The following SLC26A7 variants were observed in gnomAD, a reference collection of about 807,000 sequenced individuals.
The protein encoded by SLC26A7 is solute carrier family 26 member 7.
In SLC26A7, 59 loss-of-function variants were observed where a neutral mutation model predicts 82.5. The observed-to-expected ratio is 0.72, with a 90% CI of 0.58 to 0.89. The LOEUF is 0.89. Ranked by LOEUF, SLC26A7 falls within the 40% of genes least tolerant of loss-of-function variation. The probability of loss-of-function intolerance (pLI) is 0.00; values close to 1 mark genes in which losing one functional copy is unlikely to be tolerated. For missense variants in SLC26A7, 820 were observed against 793.0 expected, an observed-to-expected ratio of 1.03 and a Z score of -0.41; for synonymous variants, 271 against 274.3, an observed-to-expected ratio of 0.99 and a Z score of 0.12.
chr8:91,355,718 C>CT (rs905219902), intron 11 of SLC26A7, among the ~76,000 whole-genome samples: 10 of 150,904 alleles, frequency 6.6e-5, no homozygotes, highest in East Asian at 2.0e-4. Context: ...TCTTTTGCCT[C>CT]TTTTTTTTAA....
chr8:91,369,873 C>T (rs763205389), intron 15 of SLC26A7, 40 bp downstream of exon 15: 9 of 1,485,466 alleles, frequency 6.1e-6, no homozygotes, highest in South Asian at 4.7e-5. Context: ...TAAGTGTTTA[C>T]CTTGAAGATA....
intron 15 of SLC26A7, among the ~76,000 whole-genome samples, chr8:91,370,190 ATT>A (rs1403748320): frequency 1.2e-5 from 1 of 80,908 alleles, no homozygotes; most frequent in Admixed American, 1.2e-4. Context: ...TTTTTTTTCT[ATT>A]TTCTCCTCCT....
chr8:91,316,451 ATTTTTTTTTTTTTTTTTTTTTTTT>A (rs58981485), intron 4 of SLC26A7, among the ~76,000 whole-genome samples: 10 of 34,424 alleles, frequency 2.9e-4, no homozygotes, highest in Admixed American at 4.6e-4. Context: ...CTCAACACTA[ATTTTTTTTTTTTTTTTTTTTTTTT>A]TTTTTTTTTT....
intron 4 of SLC26A7, among the ~76,000 whole-genome samples, chr8:91,316,144 G>A (rs1812623812): frequency 6.6e-6 from 1 of 152,072 alleles, no homozygotes; most frequent in African/African-American, 2.4e-5. Flanking sequence ...TATATTTTGC[G>A]ATTTATGCTC....
chr8:91,266,086 G>A lies in SLC26A7; in HGVS notation c.193+16242G>A, dbSNP rs757971953. On this transcript the variant is annotated intron_variant, in intron 2 of 18. Coordinates refer to ENST00000276609, the MANE Select transcript of SLC26A7 (RefSeq NM_052832.4). ...TAGTTTTGGGTATTACATTTAAGTC[G>A]TTAATTCATTTTGAGTTGATTTTTG... Among the ~76,000 whole-genome samples, 7 of 151,460 alleles carry A rather than the reference G, an allele frequency of 4.6e-5. No homozygotes were observed. In the East Asian group the frequency reaches 7.7e-4, roughly 17 times the overall value.
Position 91,337,904 on chromosome 8 carries a change from C to T in SLC26A7, c.796-246C>T, listed in dbSNP as rs558671966. 2.0e-3 allele frequency among the ~76,000 whole-genome samples: 297 copies of T among 152,160 alleles called. 1 individual carries two copies. The highest frequency in any genetic ancestry group is 3.3e-3 in the Non-Finnish European group (224 of 67,998). ...AAATTGGACATAATTGGGTTGACCA[C>T]GGTAGGATATTAGAAAAGCCATATG... is the stretch of plus-strand genomic sequence containing the variant. On this transcript the variant is annotated intron_variant, in intron 6 of 18. Coordinates refer to ENST00000276609, the MANE Select transcript of SLC26A7 (RefSeq NM_052832.4).
chr8:91,343,315 T>C (rs750725360), intron 8 of SLC26A7, 38 bp from the exon 9 acceptor site: 2 of 1,300,270 alleles, frequency 1.5e-6, no homozygotes, highest in Non-Finnish European at 2.2e-6. Context: ...AAGTCTATTG[T>C]GATTAAGATA....
At chr8:91,240,947 C>T (rs941032978) in intron 2 of SLC26A7, among the ~76,000 whole-genome samples, 3 of 151,802 alleles carry the variant, frequency 2.0e-5, no homozygotes, top group African/African-American at 4.8e-5. Context: ...AAATGGTGAC[C>T]CAGAAGAGCC....
rs150515431 is a variant in SLC26A7, at chr8:91,225,887, G to C, written c.-34+6882G>C. Among the ~76,000 whole-genome samples the C allele has an allele frequency of 8.4e-3, 1,285 of 152,106 alleles. 9 individuals are homozygous for C. Among genetic ancestry groups the C allele is most frequent in the South Asian group, 0.026 (125 of 4,820 alleles). On this transcript the variant is annotated intron_variant, in intron 2 of 5. Transcript: ENST00000522862. ...GCAACTGGCATTTCAGAGGTCATCAGTGACTTACTCCCAGTCCAGCTGCTC... is the reference window on the plus strand; with the variant it reads ...GCAACTGGCATTTCAGAGGTCATCACTGACTTACTCCCAGTCCAGCTGCTC...
chr8:91,315,616 GATTTCCAC>G, intron 4 of SLC26A7, among the ~76,000 whole-genome samples: 1 of 152,300 alleles, frequency 6.6e-6, no homozygotes, highest in East Asian at 1.9e-4. Context: ...CAGATTGCCT[GATTTCCAC>G]ATTGGCCCCC....
intron 15 of SLC26A7, among the ~76,000 whole-genome samples, chr8:91,384,378 C>G (rs1214896564): frequency 6.6e-6 from 1 of 152,104 alleles, no homozygotes; most frequent in Admixed American, 6.6e-5. Context: ...GACCTCGAAC[C>G]TCCTGTCTCC....
chr8:91,292,770 T>G (rs1352570753), intron 3 of SLC26A7, among the ~76,000 whole-genome samples: 2 of 152,292 alleles, frequency 1.3e-5, no homozygotes, highest in Non-Finnish European at 1.5e-5. Flanking sequence ...AGTTGATTAC[T>G]TTTTGTGGCT....
chr8:91,231,272 T>C (rs1416170546), intron 2 of SLC26A7, among the ~76,000 whole-genome samples: 1 of 152,240 alleles, frequency 6.6e-6, no homozygotes, highest in Non-Finnish European at 1.5e-5. Context: ...CCTTATATCA[T>C]CAGATGACTA....
At chr8:91,231,648 C>T (rs967300330) in intron 2 of SLC26A7, among the ~76,000 whole-genome samples, 2 of 151,174 alleles carry the variant, frequency 1.3e-5, no homozygotes, top group African/African-American at 4.9e-5. Flanking sequence ...CACTGTGTTT[C>T]AACTTGCAGC....
At chr8:91,324,690 GACAA>G (rs1420524950) in intron 5 of SLC26A7, among the ~76,000 whole-genome samples, 1 of 152,110 alleles carries the variant, frequency 6.6e-6, no homozygotes, top group Non-Finnish European at 1.5e-5. Context: ...GGAGAGAGGA[GACAA>G]ACAAATTGGC....
At position 91,355,884 on chromosome 8, in the gene SLC26A7, A is replaced by C. The variant is rs534333025; in HGVS notation, c.1314+2888A>C. The stretch of plus-strand genomic sequence containing the variant: ...AAATGCTATCCCTCCCCTCTCCCCC[A>C]ACCCCAGAACAGTCCCCGGAGTGTG... On this transcript the variant is annotated intron_variant, in intron 11 of 18. Transcript: ENST00000276609. Among the ~76,000 whole-genome samples, 1,314 of 151,192 alleles carry C rather than the reference A, an allele frequency of 8.7e-3. 9 individuals are homozygous for C. Among genetic ancestry groups the C allele is most frequent in the Non-Finnish European group, 0.013 (914 of 67,836 alleles).
At chr8:91,373,024 C>T (rs1563706275) in intron 15 of SLC26A7, among the ~76,000 whole-genome samples, 4 of 151,796 alleles carry the variant, frequency 2.6e-5, no homozygotes, top group African/African-American at 7.2e-5. Context: ...GGTCTTTCAG[C>T]TTCAGCTTTG....
chr8:91,312,636 T>C (rs2130800789), intron 4 of SLC26A7, among the ~76,000 whole-genome samples: 1 of 56,478 alleles, frequency 1.8e-5, no homozygotes, highest in Admixed American at 1.7e-4. Flanking sequence ...TGTATGTAGG[T>C]GTGTCTGTGT....
intron 15 of SLC26A7, among the ~76,000 whole-genome samples, chr8:91,371,796 A>C (rs1437892130): frequency 6.6e-6 from 1 of 151,954 alleles, no homozygotes; most frequent in Non-Finnish European, 1.5e-5. Context: ...TTCTTTGAGA[A>C]ATCTCCATAC....
Sources: gnomAD v4.1 joint callset for allele counts (sites outside exome capture counted in the v4.1 genomes callset) on GRCh38, gnomAD v4.1.1 for gene constraint, MANE v1.5 for transcripts, NCBI Gene and HGNC (gene_info 2026-07-23, HGNC 2026-07-21) for gene names.